The following ASB13 variants were observed in gnomAD, a reference collection of about 807,000 sequenced individuals.
The protein encoded by ASB13 is ankyrin repeat and SOCS box protein 13.
Under a neutral mutation model 28.8 loss-of-function variants are expected in ASB13, and 33 were observed. That is an observed-to-expected ratio of 1.15 (90% CI 0.87 to 1.53). ASB13 has a LOEUF of 1.53. Among genes scored for constraint, ASB13 ranks in the 40% most tolerant of loss-of-function variants. ASB13 has a pLI of 0.00. For missense variants in ASB13, 414 were observed against 390.1 expected (o/e 1.06, Z -0.52); for synonymous variants, 182 against 172.9 (o/e 1.05, Z -0.41).
At chr10:5,648,898 C>G in intron 4 of ASB13, 72 bp downstream of exon 4, 1 of 1,590,006 alleles carries the variant, frequency 6.3e-7, no homozygotes, top group Non-Finnish European at 8.6e-7. Flanking sequence ...GGGCAAACAC[C>G]CACGCAGGTA....
intron 4 of ASB13, among the ~76,000 whole-genome samples, chr10:5,643,694 A>AAAC (rs1347152735): frequency 6.6e-6 from 1 of 152,254 alleles, no homozygotes; most frequent in Non-Finnish European, 1.5e-5. Flanking sequence ...TTTTAACACT[A>AAAC]AACATATGCT....
chr10:5,652,752 T>C lies in ASB13; in HGVS notation c.231+111A>G. The C allele has an allele frequency of 1.2e-5, 14 of 1,149,850 alleles. No homozygotes were observed. Among genetic ancestry groups the C allele is most frequent in the Non-Finnish European group, 1.6e-5 (14 of 853,890 alleles). The allele number at this position is 1,149,850 out of a possible 1,614,324, so 71.2% of individuals were successfully genotyped here. A position where few individuals can be genotyped will look rare whatever the true frequency, so the allele number is the denominator to read the frequency against. ...TGGGCTTCCTGGTACCTGTGTGCAG[T>C]GGACACAGTGCAGCCCCCATCCTCC... On this transcript the variant is annotated intron_variant, in intron 2 of 5. Transcript: ENST00000357700. The surrounding 1 kb of genome is among the most constrained non-coding windows in gnomAD (Gnocchi z 5.0).
rs1199883474 is a variant in ASB13 at position 5,661,083 on chromosome 10, A to G, written c.43+5426T>C. 1.3e-5 allele frequency among the ~76,000 whole-genome samples: 2 copies of G among 152,028 alleles called. No homozygotes were observed. The highest frequency in any genetic ancestry group is 3.9e-4 in the East Asian group (2 of 5,190). On this transcript the variant is annotated intron_variant, in intron 1 of 5. Coordinates refer to ENST00000357700, the MANE Select transcript of ASB13 (RefSeq NM_024701.4). The surrounding 1 kb of genome is among the most constrained non-coding windows in gnomAD (Gnocchi z 4.9). ...GCAGCTGGTTTGCCAGTATCTCCTC[A>G]GTCATCCCAGAGCCAGAGCCCCACT...
chr10:5,662,594 A>AAGAGAAGAGAAGAGAAGAGAAG (rs1835191508), intron 1 of ASB13, among the ~76,000 whole-genome samples: 1 of 141,754 alleles, frequency 7.1e-6, no homozygotes, highest in Admixed American at 7.4e-5. Context: ...AAGAGAAGAG[A>AAGAGAAGAGAAGAGAAGAGAAG]AGAGAAGAGA....
rs2131448021 is a variant in ASB13, at chr10:5,650,271, C to G, written c.382+942G>C. Reference sequence around the variant, plus strand: ...CTCTGCTTCCAGGAGACCCCAGCCACCACTGCACCTCCGTCTATCTGCACA... The same window carrying G: ...CTCTGCTTCCAGGAGACCCCAGCCAGCACTGCACCTCCGTCTATCTGCACA... On this transcript the variant is annotated intron_variant, in intron 3 of 5. Coordinates refer to ENST00000357700, the MANE Select transcript of ASB13 (RefSeq NM_024701.4). The surrounding 1 kb of genome is among the most constrained non-coding windows in gnomAD (Gnocchi z 6.0). Among the ~76,000 whole-genome samples the G allele has an allele frequency of 6.6e-6, 1 of 152,320 alleles. No individual in the cohort carries two copies. The highest frequency in any genetic ancestry group is 1.5e-5 in the Non-Finnish European group (1 of 68,034).
At position 5,649,174 on chromosome 10, in the gene ASB13, C is replaced by T. The variant is rs924461382; in HGVS notation, c.383-70G>A. The T allele has an allele frequency of 1.4e-5, 22 of 1,593,206 alleles. No homozygotes were observed. Among genetic ancestry groups the T allele is most frequent in the East Asian group, 2.2e-5 (1 of 44,680 alleles). ...ACTGGAGACAACAAGCACACAGACG[C>T]GGCAGGGGCAGCAGCCTCCATCCTT... On this transcript the variant is annotated intron_variant, in intron 3 of 5. Transcript: ENST00000357700. This position sits in a 1 kb window ranked among gnomAD's most constrained non-coding sequence, Gnocchi z 6.4.
chr10:5,656,534 G>A lies in ASB13; in HGVS notation c.44-3484C>T, dbSNP rs548633149. Among the ~76,000 whole-genome samples, 1,109 of 119,460 alleles carry A rather than the reference G, an allele frequency of 9.3e-3. 17 individuals are homozygous for A. Among genetic ancestry groups the A allele is most frequent in the African/African-American group, 0.03 (987 of 33,090 alleles). The allele number at this position is 119,460 out of a possible 152,430, so 78.4% of individuals were successfully genotyped here. ...AGCCTGGGCAACCGAGCAAGACTCC[G>A]TCTCAAGAAAAAAAAAAAAAGTCTG... is the stretch of plus-strand genomic sequence containing the variant. On this transcript the variant is annotated intron_variant, in intron 1 of 5. Transcript: ENST00000357700. The surrounding 1 kb of genome is among the most constrained non-coding windows in gnomAD (Gnocchi z 4.3).
At position 5,655,303 on chromosome 10, in the gene ASB13, T is replaced by C. The variant is rs1389699627; in HGVS notation, c.44-2253A>G. Among the ~76,000 whole-genome samples the C allele has an allele frequency of 1.3e-5, 2 of 152,182 alleles. No individual in the cohort carries two copies. The highest frequency in any genetic ancestry group is 2.1e-4 in the South Asian group (1 of 4,834). On this transcript the variant is annotated intron_variant, in intron 1 of 5. Coordinates refer to ENST00000357700, the MANE Select transcript of ASB13 (RefSeq NM_024701.4). The surrounding 1 kb of genome is among the most constrained non-coding windows in gnomAD (Gnocchi z 6.2). ...TTGGTGGAAACTCAGCTCAGCCTTT[T>C]ATCAGCTTACCCAAAACACAACTTC...
rs1364444291 is a variant in ASB13 at position 5,658,808 on chromosome 10, C to T, written c.44-5758G>A. ...GGGGGACTGTCACCCGCAGGCTGTC[C>T]TCATAGGAGATTTACAGTGGGGAAG... is the stretch of plus-strand genomic sequence containing the variant. On this transcript the variant is annotated intron_variant, in intron 1 of 5. Transcript: ENST00000357700. This position sits in a 1 kb window ranked among gnomAD's most constrained non-coding sequence, Gnocchi z 4.2. Among the ~76,000 whole-genome samples the T allele has an allele frequency of 6.6e-6, 1 of 152,130 alleles. No homozygotes were observed. Among genetic ancestry groups the T allele is most frequent in the African/African-American group, 2.4e-5 (1 of 41,412 alleles).
chr10:5,640,046 A>C lies in ASB13; in HGVS notation c.*657T>G, dbSNP rs924052055. On this transcript the variant is annotated 3_prime_UTR_variant, in exon 6 of 6. Transcript: ENST00000357700. Reference sequence around the variant, plus strand: ...AAGAAACTCAGTGCTACTTGTGGGGAATACAAAGCCAGGGCCTTCCCCCAC... The same window carrying C: ...AAGAAACTCAGTGCTACTTGTGGGGCATACAAAGCCAGGGCCTTCCCCCAC... 6.5e-6 allele frequency: 1 copy of C among 152,674 alleles called. No homozygotes were observed. The allele number at this position is 152,674 out of a possible 1,614,324, so 9.5% of individuals were successfully genotyped here.
At position 5,662,613 on chromosome 10, in the gene ASB13, G is replaced by A. The variant is rs190558527; in HGVS notation, c.43+3896C>T. Among the ~76,000 whole-genome samples the A allele has an allele frequency of 4.4e-4, 65 of 149,040 alleles. 1 individual carries two copies. The highest frequency in any genetic ancestry group is 7.6e-4 in the Non-Finnish European group (51 of 67,152). ...GAAGAGAAGAGAAGAGAAGAGAAGA[G>A]AAGAGAAGAGAAGAGAAGAGAAGAG... is the stretch of plus-strand genomic sequence containing the variant. On this transcript the variant is annotated intron_variant, in intron 1 of 5. Transcript: ENST00000357700.
chr10:5,642,653 G>GTTTTT lies in ASB13; in HGVS notation c.518-697_518-693dup. On this transcript the variant is annotated intron_variant, in intron 4 of 5. Coordinates refer to ENST00000357700, the MANE Select transcript of ASB13 (RefSeq NM_024701.4). This position sits in a 1 kb window ranked among gnomAD's most constrained non-coding sequence, Gnocchi z 4.1. ...AGTAGCTAAATATGGCTGGTTTTGGGTTTTTTTTTTTGAGACAGAGTCTCA... is the reference window on the plus strand; with the variant it reads ...AGTAGCTAAATATGGCTGGTTTTGGGTTTTTTTTTTTTTTTTGAGACAGAGTCTCA... 2.6e-5 allele frequency: 9 copies of GTTTTT among 352,738 alleles called. No homozygotes were observed. Among genetic ancestry groups the GTTTTT allele is most frequent in the South Asian group, 7.9e-5 (3 of 37,992 alleles). The allele number at this position is 352,738 out of a possible 1,614,324, so 21.9% of individuals were successfully genotyped here.
In ASB13 at chr10:5,644,232, G is replaced by A. The variant is rs958904880; in HGVS notation, c.518-2271C>T. Among the ~76,000 whole-genome samples, 114 of 152,308 alleles carry A rather than the reference G, an allele frequency of 7.5e-4. No homozygotes were observed. The highest frequency in any genetic ancestry group is 2.6e-3 in the African/African-American group (106 of 41,566). The stretch of plus-strand genomic sequence containing the variant: ...TGCTTGGGCCAGGTACAGGGCTCAC[G>A]CCTGTAATCTCAGCACTTTGGGAAT... On this transcript the variant is annotated intron_variant, in intron 4 of 5. Transcript: ENST00000357700. The surrounding 1 kb of genome is among the most constrained non-coding windows in gnomAD (Gnocchi z 5.1).
intron 1 of ASB13, 75 bp downstream of exon 1, chr10:5,666,434 G>T: frequency 8.3e-7 from 1 of 1,209,596 alleles, no homozygotes; most frequent in South Asian, 2.7e-5. Flanking sequence ...CCCCGGCGCA[G>T]GCCATCGGAT....
chr10:5,645,458 T>TG lies in ASB13; in HGVS notation c.518-3498_518-3497insC, dbSNP rs1834870639. ...TTACTTCACCATCATAACCGGACTT[T>TG]CACCCTCCCCAGCCCTCCTCCTTTG... On this transcript the variant is annotated intron_variant, in intron 4 of 5. Coordinates refer to ENST00000357700, the MANE Select transcript of ASB13 (RefSeq NM_024701.4). The surrounding 1 kb of genome is among the most constrained non-coding windows in gnomAD (Gnocchi z 5.4). Among the ~76,000 whole-genome samples, 1 of 152,140 alleles carries TG rather than the reference T, an allele frequency of 6.6e-6. No individual in the cohort carries two copies. Among genetic ancestry groups the TG allele is most frequent in the Non-Finnish European group, 1.5e-5 (1 of 68,026 alleles).
rs1835055990 is a variant in ASB13, at chr10:5,655,501, T to C, written c.44-2451A>G. ...TTTGTAGTATTTTTGCCTCCAATTG[T>C]AGCTATCTGTCTTGTCCACAGCCAA... On this transcript the variant is annotated intron_variant, in intron 1 of 5. Transcript: ENST00000357700. The surrounding 1 kb of genome is among the most constrained non-coding windows in gnomAD (Gnocchi z 6.2). 6.6e-6 allele frequency among the ~76,000 whole-genome samples: 1 copy of C among 152,208 alleles called. No individual in the cohort carries two copies. Among genetic ancestry groups the C allele is most frequent in the African/African-American group, 2.4e-5 (1 of 41,458 alleles).
rs535946667 is a variant in ASB13, at chr10:5,658,191, A to T, written c.44-5141T>A. On this transcript the variant is annotated intron_variant, in intron 1 of 5. Coordinates refer to ENST00000357700, the MANE Select transcript of ASB13 (RefSeq NM_024701.4). The surrounding 1 kb of genome is among the most constrained non-coding windows in gnomAD (Gnocchi z 4.2). ...ATAAATAAATACGCTATTTCTGGCC[A>T]GGTGCAGTGGCTCAAAACTCTAATC... Among the ~76,000 whole-genome samples the T allele has an allele frequency of 2.0e-5, 3 of 152,132 alleles. No individual in the cohort carries two copies. The South Asian group carries it at 6.2e-4, about 32-fold the overall frequency.
In ASB13 at chr10:5,663,422, C is replaced by T. The variant is rs1564223323; in HGVS notation, c.43+3087G>A. ...TCACTCACCCAATTATCTGCTACCCCGACTCCTCCCTTGCCCCTGGTCCAC... is the reference window on the plus strand; with the variant it reads ...TCACTCACCCAATTATCTGCTACCCTGACTCCTCCCTTGCCCCTGGTCCAC... On this transcript the variant is annotated intron_variant, in intron 1 of 5. Transcript: ENST00000357700. The surrounding 1 kb of genome is among the most constrained non-coding windows in gnomAD (Gnocchi z 4.9). Among the ~76,000 whole-genome samples the T allele has an allele frequency of 6.6e-6, 1 of 152,146 alleles. No homozygotes were observed. The highest frequency in any genetic ancestry group is 2.1e-4 in the South Asian group (1 of 4,830).
chr10:5,648,376 A>ACG (rs1834922305), intron 4 of ASB13, among the ~76,000 whole-genome samples: 1 of 115,708 alleles, frequency 8.6e-6, no homozygotes, highest in Admixed American at 8.8e-5. Context: ...ACACCCATGC[A>ACG]GGCAAACACC....
Sources: allele counts gnomAD v4.1 joint callset (sites outside exome capture counted in the v4.1 genomes callset), GRCh38; gene constraint gnomAD v4.1.1; non-coding constraint Gnocchi (gnomAD v3.1); transcripts MANE v1.5; gene names NCBI Gene and HGNC (gene_info 2026-07-23, HGNC 2026-07-21).